The following PDGFC variants were observed in gnomAD, a reference collection of about 807,000 sequenced individuals.
PDGFC encodes platelet derived growth factor C.
PDGFC carries 12 observed loss-of-function variants against 35.5 expected under a neutral mutation model. The ratio of observed to expected loss-of-function variants is 0.34; its 90% CI spans 0.22 to 0.55. The LOEUF (loss-of-function observed/expected upper bound fraction) is 0.55. PDGFC is among the 20% of genes least tolerant of loss of function. PDGFC has a pLI of 0.91. For synonymous variants in PDGFC, 159 were observed against 148.8 expected, an observed-to-expected ratio of 1.07 and a Z score of -0.50; for missense variants, 322 against 412.4, an observed-to-expected ratio of 0.78 and a Z score of 1.90.
At chr4:156,787,097 A>C (rs1366997755) in intron 3 of PDGFC, among the ~76,000 whole-genome samples, 1 of 152,218 alleles carries the variant, frequency 6.6e-6, no homozygotes, top group African/African-American at 2.4e-5. Flanking sequence ...ACTGGACAAG[A>C]TTGTCAAATG....
chr4:156,807,193 T>C (rs1731792483), intron 3 of PDGFC, among the ~76,000 whole-genome samples: 1 of 152,018 alleles, frequency 6.6e-6, no homozygotes, highest in South Asian at 2.1e-4. Context: ...AATAATTCTC[T>C]AAAATATCAT....
At chr4:156,844,957 C>T (rs1410025045) in intron 2 of PDGFC, among the ~76,000 whole-genome samples, 2 of 151,848 alleles carry the variant, frequency 1.3e-5, no homozygotes, top group African/African-American at 2.4e-5. Flanking sequence ...AACATAAATA[C>T]ACTACTGCAA....
At chr4:156,894,560 A>G (rs183640532) in intron 1 of PDGFC, among the ~76,000 whole-genome samples, 24 of 152,320 alleles carry the variant, frequency 1.6e-4, no homozygotes, top group African/African-American at 4.8e-4. Context: ...TCCGAGCAAA[A>G]TATATAGCAA....
At chr4:156,878,641 C>T (rs1421748506) in intron 1 of PDGFC, among the ~76,000 whole-genome samples, 1 of 151,856 alleles carries the variant, frequency 6.6e-6, no homozygotes, top group Non-Finnish European at 1.5e-5. Context: ...TCAGAAAATG[C>T]AAAATGCAAT....
intron 5 of PDGFC, among the ~76,000 whole-genome samples, chr4:156,764,929 T>C (rs183781756): frequency 1.3e-5 from 2 of 152,202 alleles, no homozygotes; most frequent in Non-Finnish European, 2.9e-5. Context: ...CATTTTCCCA[T>C]TCAGCAAGGA....
chr4:156,769,762 C>T (rs554997438), intron 4 of PDGFC, among the ~76,000 whole-genome samples: 1 of 151,954 alleles, frequency 6.6e-6, no homozygotes, highest in Non-Finnish European at 1.5e-5. Flanking sequence ...TACCTGGTTT[C>T]ATTTTGCTGA....
Position 156,971,698 on chromosome 4 carries a change from G to T in PDGFC, c.-795C>A, listed in dbSNP as rs970169875. On this transcript the variant is annotated 5_prime_UTR_variant, in exon 1 of 6. Transcript: ENST00000502773. The stretch of plus-strand genomic sequence containing the variant: ...CCTCAAAGCCTGGGGCAATTCGGCC[G>T]CTCGGGGTCACCGCGGGGCTCCGGT... 6.6e-6 allele frequency among the ~76,000 whole-genome samples: 1 copy of T among 151,864 alleles called. No individual in the cohort carries two copies. The highest frequency in any genetic ancestry group is 1.5e-5 in the Non-Finnish European group (1 of 67,948).
At chr4:156,840,574 C>T (rs1339400819) in intron 2 of PDGFC, among the ~76,000 whole-genome samples, 1 of 152,204 alleles carries the variant, frequency 6.6e-6, no homozygotes, top group African/African-American at 2.4e-5. Flanking sequence ...AGAAAGTCCC[C>T]ACTGGGGCAC....
chr4:156,835,562 A>C (rs1729043377), intron 2 of PDGFC, among the ~76,000 whole-genome samples: 1 of 152,226 alleles, frequency 6.6e-6, no homozygotes, highest in Admixed American at 6.5e-5. Flanking sequence ...TTGAATCTTC[A>C]TCTGGAAGTC....
intron 1 of PDGFC, among the ~76,000 whole-genome samples, chr4:156,940,450 G>T (rs189233379): frequency 6.6e-6 from 1 of 152,006 alleles, no homozygotes; most frequent in African/African-American, 2.4e-5. Flanking sequence ...AAAACAATGC[G>T]TGAAATTCAA....
At position 156,945,372 on chromosome 4, in the gene PDGFC, T is replaced by C. The variant is rs542103331; in HGVS notation, c.118+25414A>G. On this transcript the variant is annotated intron_variant, in intron 1 of 5. Transcript: ENST00000502773. ...ATATATATATATATATATATATATA[T>C]ATATATATATATATATATAATCAGT... 3.4e-5 allele frequency among the ~76,000 whole-genome samples: 4 copies of C among 116,718 alleles called. 1 individual carries two copies. In the East Asian group the frequency reaches 1.1e-3, roughly 34 times the overall value. The allele number at this position is 116,718 out of a possible 152,430, so 76.6% of individuals were successfully genotyped here.
At chr4:156,890,784 G>A (rs1730484813) in intron 1 of PDGFC, among the ~76,000 whole-genome samples, 1 of 152,124 alleles carries the variant, frequency 6.6e-6, no homozygotes, top group African/African-American at 2.4e-5. Context: ...GTGAATATTG[G>A]TAAGGCAACA....
intron 1 of PDGFC, among the ~76,000 whole-genome samples, chr4:156,900,360 A>C (rs933933904): frequency 1.3e-5 from 2 of 152,178 alleles, no homozygotes; most frequent in Non-Finnish European, 2.9e-5. Context: ...ACCTTGATAC[A>C]TGTTGTGTAA....
intron 4 of PDGFC, among the ~76,000 whole-genome samples, chr4:156,769,442 G>A (rs1459884659): frequency 6.6e-6 from 1 of 151,828 alleles, no homozygotes; most frequent in Non-Finnish European, 1.5e-5. Context: ...ATAGGTAATT[G>A]TAAATTAGAA....
At chr4:156,872,938 TG>T in intron 1 of PDGFC, among the ~76,000 whole-genome samples, 1 of 152,146 alleles carries the variant, frequency 6.6e-6, no homozygotes, top group Admixed American at 6.6e-5. Context: ...AAGACCAGTC[TG>T]GGCAACACAG....
chr4:156,924,369 A>G (rs1238530233), intron 1 of PDGFC, among the ~76,000 whole-genome samples: 3 of 152,190 alleles, frequency 2.0e-5, no homozygotes, highest in Non-Finnish European at 4.4e-5. Context: ...TGGACATACT[A>G]AAGTAAGAAA....
chr4:156,878,725 G>A (rs1427323346), intron 1 of PDGFC, among the ~76,000 whole-genome samples: 3 of 151,508 alleles, frequency 2.0e-5, no homozygotes, highest in East Asian at 4.0e-4. Context: ...CATTTCAGAT[G>A]TAATACAAAT....
At chr4:156,910,321 T>A (rs1004040288) in intron 1 of PDGFC, among the ~76,000 whole-genome samples, 11 of 152,282 alleles carry the variant, frequency 7.2e-5, no homozygotes, top group African/African-American at 2.6e-4. Context: ...ATGACTGTAG[T>A]ACAATGTCAT....
At chr4:156,903,228 A>C (rs1407642761) in intron 1 of PDGFC, among the ~76,000 whole-genome samples, 1 of 152,088 alleles carries the variant, frequency 6.6e-6, no homozygotes, top group East Asian at 1.9e-4. Flanking sequence ...TTACATACAA[A>C]TACAGAGAAT....
Sources: gnomAD v4.1 joint callset for allele counts (sites outside exome capture counted in the v4.1 genomes callset) on GRCh38, gnomAD v4.1.1 for gene constraint, MANE v1.5 for transcripts, NCBI Gene and HGNC (gene_info 2026-07-23, HGNC 2026-07-21) for gene names.